Variants in RCBTB2 observed in about 807,000 individuals in gnomAD.
The protein encoded by RCBTB2 is RCC1 and BTB domain-containing protein 2.
RCBTB2 carries 55 observed loss-of-function variants against 65.4 expected under a neutral mutation model. The ratio of observed to expected loss-of-function variants is 0.84; its 90% CI spans 0.68 to 1.05. The LOEUF (loss-of-function observed/expected upper bound fraction) is 1.05, where lower values mean the gene tolerates loss of function less well. RCBTB2 is among the 50% of genes least tolerant of loss of function. The probability of loss-of-function intolerance (pLI) is 0.00; values close to 1 mark genes in which losing one functional copy is unlikely to be tolerated. For synonymous variants in RCBTB2, 220 were observed against 255.2 expected (o/e 0.86, Z 1.31); for missense variants, 599 against 680.1 (o/e 0.88, Z 1.33).
intron 13 of RCBTB2, 96 bp from the exon 14 acceptor site, chr13:48,496,417 T>C (rs1949973763): frequency 1.6e-6 from 2 of 1,261,174 alleles, no homozygotes; most frequent in Admixed American, 2.6e-5. Context: ...GACACTATTT[T>C]AGATATAATC....
intron 14 of RCBTB2, among the ~76,000 whole-genome samples, chr13:48,490,764 C>T (rs9332068): frequency 1.0e-3 from 157 of 152,248 alleles, no homozygotes; most frequent in African/African-American, 3.6e-3. Flanking sequence ...CTTTATGAGA[C>T]GACACAGGAT....
intron 14 of RCBTB2, among the ~76,000 whole-genome samples, chr13:48,493,315 A>ACTCTCCCTCTCTCTCTCTCTCTCT (rs1949812064): frequency 1.3e-5 from 1 of 75,028 alleles, no homozygotes; most frequent in African/African-American, 6.0e-5. Flanking sequence ...ACACACACAC[A>ACTCTCCCTCTCTCTCTCTCTCTCT]CTCTCTCTCT....
intron 6 of RCBTB2, 21 bp from the exon 7 acceptor site, chr13:48,512,916 A>G (rs750975764): frequency 2.5e-6 from 4 of 1,594,414 alleles, no homozygotes; most frequent in Admixed American, 1.7e-5. Context: ...AAAGAAAGAC[A>G]ATCAGTTTTT....
chr13:48,504,495 GC>G, intron 10 of RCBTB2: 1 of 272,588 alleles, frequency 3.7e-6, no homozygotes, highest in Non-Finnish European at 5.6e-6. Context: ...ATCTTGTAAG[GC>G]CCAGTTCAAA....
chr13:48,501,111 C>T (rs1950214035), intron 12 of RCBTB2, among the ~76,000 whole-genome samples: 1 of 152,150 alleles, frequency 6.6e-6, no homozygotes, highest in South Asian at 2.1e-4. Context: ...GCTGCGGTCA[C>T]CCAGGGCTAG....
chr13:48,521,991 G>A (rs1227960630), intron 3 of RCBTB2, 29 bp from the exon 4 acceptor site: 4 of 1,594,174 alleles, frequency 2.5e-6, no homozygotes, highest in Middle Eastern at 1.7e-4. Flanking sequence ...GTAAAATCAG[G>A]ATCCCTTATG....
In RCBTB2 at chr13:48,493,311, ACACACT is replaced by A. The variant is rs1375351764; in HGVS notation, c.1515+2874_1515+2879del. 8.4e-4 allele frequency among the ~76,000 whole-genome samples: 48 copies of A among 57,426 alleles called. 1 individual carries two copies. The highest frequency in any genetic ancestry group is 2.7e-3 in the Admixed American group (13 of 4,874). The allele number at this position is 57,426 out of a possible 152,430, so 37.7% of individuals were successfully genotyped here. A position where few individuals can be genotyped will look rare whatever the true frequency, so the allele number is the denominator to read the frequency against. ...TCTCCACACACACACACACACACACACACACTCTCTCTCTCTCTCTCTCTCTCTCTT... is the reference window on the plus strand; with the variant it reads ...TCTCCACACACACACACACACACACACTCTCTCTCTCTCTCTCTCTCTCTT... On this transcript the variant is annotated intron_variant, in intron 14 of 14. Transcript: ENST00000344532.
chr13:48,490,672 T>C (rs9332071), intron 14 of RCBTB2, among the ~76,000 whole-genome samples: 2,023 of 152,332 alleles, frequency 0.013, 22 homozygotes, highest in Middle Eastern at 0.024. Flanking sequence ...AAAGAGTTGA[T>C]GGAAGAAAAA....
chr13:48,492,159 A>G (rs1004320531), intron 14 of RCBTB2, among the ~76,000 whole-genome samples: 2 of 152,096 alleles, frequency 1.3e-5, no homozygotes, highest in African/African-American at 4.8e-5. Context: ...TTTCACTGAG[A>G]ACCAGAATCA....
chr13:48,535,595 C>A, upstream of RCBTB2: 1 of 450,830 alleles, frequency 2.2e-6, no homozygotes, highest in Non-Finnish European at 4.5e-6. Flanking sequence ...CAGGCTTTTG[C>A]CCCTACCCCT....
chr13:48,499,543 T>A, intron 13 of RCBTB2, 78 bp downstream of exon 13: 2 of 1,452,616 alleles, frequency 1.4e-6, no homozygotes, highest in Non-Finnish European at 1.9e-6. Context: ...TCACAGTGAC[T>A]TTCTTTTAGG....
At chr13:48,505,180 G>A (rs1950439235) in intron 10 of RCBTB2, among the ~76,000 whole-genome samples, 1 of 152,092 alleles carries the variant, frequency 6.6e-6, no homozygotes, top group Non-Finnish European at 1.5e-5. Context: ...TAGCACCTAG[G>A]AGCCTTGGTT....
chr13:48,501,979 T>A, intron 11 of RCBTB2, 111 bp from the exon 12 acceptor site: 1 of 838,636 alleles, frequency 1.2e-6, no homozygotes, highest in Admixed American at 3.4e-5. Flanking sequence ...TTCCTCAAAA[T>A]AACTGAGCAA....
chr13:48,526,938 A>AT (rs34418781), intron 1 of RCBTB2, among the ~76,000 whole-genome samples: 6 of 151,982 alleles, frequency 3.9e-5, no homozygotes, highest in African/African-American at 4.8e-5. Context: ...TAATAAATAG[A>AT]TTTTTTTTAA....
At chr13:48,517,517 A>G (rs962517863) in intron 4 of RCBTB2, among the ~76,000 whole-genome samples, 2 of 152,174 alleles carry the variant, frequency 1.3e-5, no homozygotes, top group Non-Finnish European at 2.9e-5. Flanking sequence ...TTTCCTTCTG[A>G]TCACGGCCAA....
intron 14 of RCBTB2, among the ~76,000 whole-genome samples, chr13:48,495,134 AG>A (rs1477648634): frequency 1.3e-5 from 2 of 152,218 alleles, no homozygotes; most frequent in Non-Finnish European, 2.9e-5. Context: ...TTATACCAAA[AG>A]GAAACTGACT....
At chr13:48,498,688 C>T in intron 13 of RCBTB2, among the ~76,000 whole-genome samples, 1 of 152,006 alleles carries the variant, frequency 6.6e-6, no homozygotes. Flanking sequence ...GGAGATCGTG[C>T]CATTGCACTC....
chr13:48,535,728 T>A, upstream of RCBTB2: 1 of 456,756 alleles, frequency 2.2e-6, no homozygotes, highest in South Asian at 1.5e-5. Flanking sequence ...AGCTGCCATC[T>A]TGAAGCATTC....
At chr13:48,534,133 A>G (rs1016061777), upstream of RCBTB2, among the ~76,000 whole-genome samples, 2 of 152,214 alleles carry the variant, frequency 1.3e-5, no homozygotes, top group Non-Finnish European at 2.9e-5. Context: ...AAAATGGTAC[A>G]CAGGTATTTC....
Sources: allele counts gnomAD v4.1 joint callset (sites outside exome capture counted in the v4.1 genomes callset), GRCh38; gene constraint gnomAD v4.1.1; transcripts MANE v1.5; gene names NCBI Gene and HGNC (gene_info 2026-07-23, HGNC 2026-07-21).